Variants in PCDH11X observed in about 807,000 individuals in gnomAD.
PCDH11X encodes the protein protocadherin-11 X-linked.
In PCDH11X, 18 loss-of-function variants were observed where a neutral mutation model predicts 53.3. The observed-to-expected ratio is 0.34, with a 90% confidence interval of 0.23 to 0.50. PCDH11X has a LOEUF of 0.50. PCDH11X is among the 20% of genes least tolerant of loss of function. PCDH11X has a pLI of 0.98. For synonymous variants in PCDH11X, 279 were observed against 393.3 expected, an observed-to-expected ratio of 0.71 and a Z score of 3.44; for missense variants, 570 against 1,032.4, an observed-to-expected ratio of 0.55 and a Z score of 6.14.
intron 10 of PCDH11X, among the ~76,000 whole-genome samples, chrX:92,536,869 C>T (rs1261521891): frequency 9.1e-6 from 1 of 109,642 alleles, no homozygotes; most frequent in Non-Finnish European, 1.9e-5. Context: ...GTTGCCCAGG[C>T]TGGGATAAAA....
intron 10 of PCDH11X, among the ~76,000 whole-genome samples, chrX:92,605,997 C>T (rs914504190): frequency 9.1e-6 from 1 of 110,251 alleles, no homozygotes; most frequent in East Asian, 2.9e-4. Context: ...TTTGGGAGAC[C>T]GAGGCGGGCG....
Position 92,607,742 on chromosome X carries a change from A to AT in PCDH11X, c.3368-10516dup, listed in dbSNP as rs980100882. ...CTCGATATTGAAACTATGATGTATT[A>AT]TTTTTTGTGAAATTTCAGGCTGCCG... On this transcript the variant is annotated intron_variant, in intron 10 of 10. Transcript: ENST00000682573. Among the ~76,000 whole-genome samples the AT allele has an allele frequency of 2.7e-5, 3 of 111,797 alleles. No homozygotes were observed. In the South Asian group the frequency reaches 1.1e-3, roughly 41 times the overall value.
rs955636282 is a variant in PCDH11X at position 91,811,195 on chromosome X, A to T, written c.-103-42A>T. 2.6e-6 allele frequency: 3 copies of T among 1,145,242 alleles called. No individual in the cohort carries two copies. In the African/African-American group the frequency reaches 5.5e-5, roughly 21 times the overall value. 94.4% of individuals were successfully genotyped at this position (1,145,242 alleles called of 1,213,427 possible). ...TGATTACAATGTACTGGAGGCAAAG[A>T]CCTTTTTCTTCCCCTCCCTCTTTTT... On this transcript the variant is annotated intron_variant, in intron 3 of 10. Coordinates refer to ENST00000682573, the MANE Select transcript of PCDH11X (RefSeq NM_032968.5).
Position 91,989,664 on chromosome X carries a change from T to C in PCDH11X, c.3033+110391T>C, listed in dbSNP as rs112405892. On this transcript the variant is annotated intron_variant, in intron 6 of 10. Transcript: ENST00000682573. ...GGGAGGTAGTGGCATGAACCCTAAC[T>C]ACAGTTATGAAAAAAAATGGTTGTA... Among the ~76,000 whole-genome samples, 835 of 109,916 alleles carry C rather than the reference T, an allele frequency of 7.6e-3. 5 individuals are homozygous for C. Among genetic ancestry groups the C allele is most frequent in the African/African-American group, 0.026 (790 of 30,256 alleles).
Position 92,139,315 on chromosome X carries a change from G to A in PCDH11X, c.3034-62060G>A, listed in dbSNP as rs776039431. ...GTTGAGATGGAGTCTTGCTCTTGTC[G>A]CCCAGGCTGAAGTGCAGTGGCATGA... On this transcript the variant is annotated intron_variant, in intron 6 of 10. Coordinates refer to ENST00000682573, the MANE Select transcript of PCDH11X (RefSeq NM_032968.5). Among the ~76,000 whole-genome samples, 9 of 83,216 alleles carry A rather than the reference G, an allele frequency of 1.1e-4. No individual in the cohort carries two copies. The East Asian group carries it at 2.8e-3, about 26-fold the overall frequency. 72.3% of individuals were successfully genotyped at this position (83,216 alleles called of 115,157 possible).
At chrX:91,872,819 G>A (rs1939398877) in intron 5 of PCDH11X, among the ~76,000 whole-genome samples, 1 of 108,541 alleles carries the variant, frequency 9.2e-6, no homozygotes, top group South Asian at 4.0e-4. Context: ...ATGGCAAAAG[G>A]CTTCAGTTTT....
chrX:92,257,644 T>G (rs997913737), intron 7 of PCDH11X, among the ~76,000 whole-genome samples: 1 of 112,286 alleles, frequency 8.9e-6, no homozygotes, highest in Non-Finnish European at 1.9e-5. Context: ...CCCATGCAAG[T>G]CCCAAATACA....
At chrX:92,208,835 G>T (rs890373904) in intron 7 of PCDH11X, among the ~76,000 whole-genome samples, 63 of 109,374 alleles carry the variant, frequency 5.8e-4, no homozygotes, top group African/African-American at 2.1e-3. Flanking sequence ...TCACAGTTCT[G>T]CAGGCTGTAT....
intron 6 of PCDH11X, among the ~76,000 whole-genome samples, chrX:91,994,572 T>C (rs2062379287): frequency 1.0e-5 from 1 of 96,678 alleles, no homozygotes; most frequent in African/African-American, 4.2e-5. Flanking sequence ...GTTGCTTCCA[T>C]ATCTTGGCTA....
intron 6 of PCDH11X, among the ~76,000 whole-genome samples, chrX:92,048,345 T>C (rs1006386036): frequency 1.8e-5 from 2 of 110,397 alleles, no homozygotes; most frequent in African/African-American, 6.6e-5. Flanking sequence ...ATTTAAAACT[T>C]TGAGACGAAA....
At chrX:92,565,542 C>G (rs1276076263) in intron 10 of PCDH11X, among the ~76,000 whole-genome samples, 2 of 84,085 alleles carry the variant, frequency 2.4e-5, no homozygotes, top group African/African-American at 8.5e-5. Flanking sequence ...CACAGAAACA[C>G]AAATATTGCA....
rs2524792 is a variant in PCDH11X, at chrX:91,781,529, C to A, written c.-379+1845C>A. On this transcript the variant is annotated intron_variant, in intron 1 of 10. Coordinates refer to ENST00000682573, the MANE Select transcript of PCDH11X (RefSeq NM_032968.5). Reference sequence around the variant, plus strand: ...AAAATAGAAAAGGAAACGGTACTTGCGGGCACCCGCGCAACTTGGTAAAGA... The same window carrying A: ...AAAATAGAAAAGGAAACGGTACTTGAGGGCACCCGCGCAACTTGGTAAAGA... Among the ~76,000 whole-genome samples the A allele has an allele frequency of 4.3e-3, 483 of 112,922 alleles. 5 individuals carry two copies. Among genetic ancestry groups the A allele is most frequent in the Admixed American group, 0.018 (198 of 10,790 alleles).
intron 6 of PCDH11X, among the ~76,000 whole-genome samples, chrX:92,179,023 G>C (rs1244796755): frequency 9.0e-6 from 1 of 111,259 alleles, no homozygotes; most frequent in Non-Finnish European, 1.9e-5. Context: ...CTAACACATA[G>C]GTTTACGTAG....
chrX:92,620,715 G>C lies in PCDH11X; in HGVS notation c.*1775G>C, dbSNP rs1386460909. On this transcript the variant is annotated 3_prime_UTR_variant, in exon 11 of 11. Transcript: ENST00000682573. ...ATACATTATTCCCATCCATTGTAAA[G>C]TTCCTTAAGTCATATTTGACTGGGC... The C allele has an allele frequency of 1.8e-5, 2 of 110,346 alleles. No individual in the cohort carries two copies. Among genetic ancestry groups the C allele is most frequent in the Non-Finnish European group, 3.8e-5 (2 of 52,806 alleles). 9.1% of individuals were successfully genotyped at this position (110,346 alleles called of 1,213,427 possible).
intron 6 of PCDH11X, among the ~76,000 whole-genome samples, chrX:91,937,555 T>TA (rs1377799103): frequency 3.6e-5 from 4 of 111,068 alleles, no homozygotes; most frequent in Non-Finnish European, 5.7e-5. Context: ...CATGTGAATC[T>TA]AAAAAAACTA....
At chrX:91,910,836 A>AATTGGTTCCATT (rs1328413538) in intron 6 of PCDH11X, among the ~76,000 whole-genome samples, 1 of 111,352 alleles carries the variant, frequency 9.0e-6, no homozygotes, top group Non-Finnish European at 1.9e-5. Flanking sequence ...CTATAAATAT[A>AATTGGTTCCATT]ATTGGTTCCA....
chrX:92,619,164 G>A lies in PCDH11X; in HGVS notation c.*224G>A, dbSNP rs2148823095. On this transcript the variant is annotated 3_prime_UTR_variant, in exon 11 of 11. Transcript: ENST00000682573. ...AAAAAGAAAAGGAATTTAACAATTT[G>A]CATCCCCTTGTACAGTAAGGCTTAT... is the stretch of plus-strand genomic sequence containing the variant. 2.3e-6 allele frequency: 1 copy of A among 440,415 alleles called. No homozygotes were observed. Among genetic ancestry groups the A allele is most frequent in the African/African-American group, 2.5e-5 (1 of 40,118 alleles). The allele number at this position is 440,415 out of a possible 1,213,427, so 36.3% of individuals were successfully genotyped here. A position where few individuals can be genotyped will look rare whatever the true frequency, so the allele number is the denominator to read the frequency against.
chrX:92,466,828 A>G, intron 9 of PCDH11X, among the ~76,000 whole-genome samples: 1 of 109,704 alleles, frequency 9.1e-6, no homozygotes, highest in Non-Finnish European at 1.9e-5. Context: ...ATTAGAAAGG[A>G]TTTTTATCAC....
chrX:92,478,202 G>A (rs2073429884), intron 10 of PCDH11X, among the ~76,000 whole-genome samples: 1 of 111,140 alleles, frequency 9.0e-6, no homozygotes, highest in African/African-American at 3.3e-5. Context: ...CAGCCATGTG[G>A]AACTGTGAGT....
Sources: gnomAD v4.1 joint callset for allele counts (sites outside exome capture counted in the v4.1 genomes callset) on GRCh38, gnomAD v4.1.1 for gene constraint, MANE v1.5 for transcripts, NCBI Gene and HGNC (gene_info 2026-07-23, HGNC 2026-07-21) for gene names.